Variants in ADIPOR2 observed in about 807,000 individuals in gnomAD.
The protein encoded by ADIPOR2 is adiponectin receptor 2.
In ADIPOR2, 18 loss-of-function variants were observed where a neutral mutation model predicts 40.9. The observed-to-expected ratio is 0.44, with a 90% CI of 0.30 to 0.65. ADIPOR2 has a LOEUF of 0.65. ADIPOR2 is among the 30% of genes least tolerant of loss of function. The pLI is 0.09. For synonymous variants in ADIPOR2, 165 were observed against 166.4 expected, an observed-to-expected ratio of 0.99 and a Z score of 0.06; for missense variants, 283 against 479.2, an observed-to-expected ratio of 0.59 and a Z score of 3.82.
intron 2 of ADIPOR2, among the ~76,000 whole-genome samples, chr12:1,762,723 C>CT (rs1464211981): frequency 6.6e-6 from 1 of 152,070 alleles, no homozygotes; most frequent in Non-Finnish European, 1.5e-5. Context: ...TTATTCGTTC[C>CT]TAAAGTAGCC....
intron 2 of ADIPOR2, chr12:1,757,440 A>G: frequency 1.4e-6 from 1 of 728,326 alleles, no homozygotes; most frequent in South Asian, 1.5e-5. Context: ...TCTGTTGGTT[A>G]TCACACCAGT....
chr12:1,715,650 C>T (rs938995236), intron 1 of ADIPOR2, among the ~76,000 whole-genome samples: 7 of 152,164 alleles, frequency 4.6e-5, no homozygotes, highest in Admixed American at 1.3e-4. Context: ...GAGTGGGCAT[C>T]GCCCAATTCC....
rs1347187002 is a variant in ADIPOR2, at chr12:1,787,675, A to G, written c.*1603A>G. 6.6e-6 allele frequency: 1 copy of G among 152,262 alleles called. No homozygotes were observed. The highest frequency in any genetic ancestry group is 1.5e-5 in the Non-Finnish European group (1 of 68,050). 9.4% of individuals were successfully genotyped at this position (152,262 alleles called of 1,614,324 possible). A position where few individuals can be genotyped will look rare whatever the true frequency, so the allele number is the denominator to read the frequency against. On this transcript the variant is annotated 3_prime_UTR_variant, in exon 8 of 8. Transcript: ENST00000357103. The stretch of plus-strand genomic sequence containing the variant: ...TCCATTATATCCTGGGGTTGTGGGT[A>G]TTAGAACTAAATATGGAGGTCCTGA...
chr12:1,785,886 A>T lies in ADIPOR2; in HGVS notation c.1033-58A>T, dbSNP rs905386371. On this transcript the variant is annotated intron_variant, in intron 7 of 7. Coordinates refer to ENST00000357103, the MANE Select transcript of ADIPOR2 (RefSeq NM_024551.3). The stretch of plus-strand genomic sequence containing the variant: ...GGATTAAACGATCCTAAGAATCTTT[A>T]GCAGTCTTAATAATGTATGGGTTTC... 5.0e-6 allele frequency: 8 copies of T among 1,589,916 alleles called. No individual in the cohort carries two copies. In the African/African-American group the frequency reaches 1.1e-4, roughly 21 times the overall value.
chr12:1,784,017 G>A lies in ADIPOR2; in HGVS notation c.976G>A (p.Ala326Thr). Residue 326 changes from alanine to threonine, a missense_variant, in exon 7 of 8, where the codon GCC becomes ACC. Around this residue, in one of 3 missense-constraint regions of ADIPOR2, gnomAD observed 106 missense variants for 149.7 expected, o/e 0.71. Coordinates refer to ENST00000357103, the MANE Select transcript of ADIPOR2 (RefSeq NM_024551.3). ...LMASLYITGA[A>T]LYAARIPERF... ...GGCCAGCCTCTACATCACAGGAGCT[G>A]CCCTGTATGCTGCCCGGATCCCCGA... 6.2e-7 allele frequency: 1 copy of A among 1,611,490 alleles called. No homozygotes were observed.
At chr12:1,693,333 C>G (rs1364826762) in intron 1 of ADIPOR2, among the ~76,000 whole-genome samples, 2 of 151,642 alleles carry the variant, frequency 1.3e-5, no homozygotes, top group African/African-American at 4.8e-5. Flanking sequence ...AAAAGTTTGC[C>G]GAGCTCCATT....
intron 1 of ADIPOR2, among the ~76,000 whole-genome samples, chr12:1,730,345 C>T (rs1293443578): frequency 4.0e-5 from 6 of 151,610 alleles, no homozygotes; most frequent in East Asian, 1.9e-4. Flanking sequence ...AGGCCGGGCG[C>T]GGTGGCTCAC....
intron 1 of ADIPOR2, among the ~76,000 whole-genome samples, chr12:1,748,360 T>G (rs184115648): frequency 2.6e-5 from 4 of 152,128 alleles, no homozygotes; most frequent in Non-Finnish European, 4.4e-5. Context: ...GCCATTCTCC[T>G]GCCTCAGCCT....
At chr12:1,753,441 T>C (rs958772391) in intron 1 of ADIPOR2, among the ~76,000 whole-genome samples, 1 of 152,210 alleles carries the variant, frequency 6.6e-6, no homozygotes, top group Non-Finnish European at 1.5e-5. Context: ...CATTGAGATA[T>C]TATCAAATAT....
intron 1 of ADIPOR2, among the ~76,000 whole-genome samples, chr12:1,748,945 C>T (rs1264007829): frequency 6.6e-6 from 1 of 152,102 alleles, no homozygotes; most frequent in Non-Finnish European, 1.5e-5. Context: ...GTACCTAAGA[C>T]TACTCCCCTA....
chr12:1,734,777 G>C (rs1263723530), intron 1 of ADIPOR2, among the ~76,000 whole-genome samples: 1 of 152,118 alleles, frequency 6.6e-6, no homozygotes, highest in Non-Finnish European at 1.5e-5. Context: ...ATTAATTTTT[G>C]TATAAGGTGT....
chr12:1,738,342 T>C (rs1462213416), intron 1 of ADIPOR2, among the ~76,000 whole-genome samples: 2 of 151,096 alleles, frequency 1.3e-5, no homozygotes, highest in Non-Finnish European at 2.9e-5. Context: ...GTGATTGCAC[T>C]ACTGTGCCCA....
chr12:1,753,302 G>A (rs1243407370), intron 1 of ADIPOR2, among the ~76,000 whole-genome samples: 1 of 152,142 alleles, frequency 6.6e-6, no homozygotes, highest in African/African-American at 2.4e-5. Context: ...TCTAAAATAA[G>A]CTTACATATC....
chr12:1,708,297 C>A (rs540344495), intron 1 of ADIPOR2, among the ~76,000 whole-genome samples: 3 of 151,386 alleles, frequency 2.0e-5, no homozygotes, highest in African/African-American at 7.3e-5. Flanking sequence ...CCAGGGATAC[C>A]GAGAGATGAC....
intron 1 of ADIPOR2, among the ~76,000 whole-genome samples, chr12:1,701,110 C>G (rs1010367142): frequency 6.7e-6 from 1 of 148,668 alleles, no homozygotes. Context: ...AACTATTATT[C>G]TGAGTATGGT....
chr12:1,699,802 T>C (rs1208318679), intron 1 of ADIPOR2, among the ~76,000 whole-genome samples: 1 of 152,258 alleles, frequency 6.6e-6, no homozygotes, highest in East Asian at 1.9e-4. Context: ...ATTTGGTATT[T>C]AGAAATTGGA....
chr12:1,743,310 T>TAAAAAAA, intron 1 of ADIPOR2, among the ~76,000 whole-genome samples: 1 of 88,600 alleles, frequency 1.1e-5, no homozygotes, highest in Non-Finnish European at 2.2e-5. Context: ...AGACGCTGTC[T>TAAAAAAA]AAAAAAAAAA....
intron 1 of ADIPOR2, among the ~76,000 whole-genome samples, chr12:1,730,211 G>A (rs947370064): frequency 2.6e-5 from 4 of 151,834 alleles, no homozygotes; most frequent in Admixed American, 6.6e-5. Context: ...ATCACTATTA[G>A]GGGTATTAAA....
At chr12:1,763,305 G>A (rs1168775626) in intron 2 of ADIPOR2, among the ~76,000 whole-genome samples, 3 of 152,174 alleles carry the variant, frequency 2.0e-5, no homozygotes, top group African/African-American at 7.2e-5. Context: ...ATGCATATAC[G>A]GAAGTTCCAG....
Sources: allele counts gnomAD v4.1 joint callset (sites outside exome capture counted in the v4.1 genomes callset), GRCh38; gene constraint gnomAD v4.1.1; regional missense constraint gnomAD v4.1.1; transcripts MANE v1.5; gene names NCBI Gene and HGNC (gene_info 2026-07-23, HGNC 2026-07-21).